The following CORO7 variants were observed in gnomAD, a reference collection of about 807,000 sequenced individuals.
CORO7 encodes the protein coronin 7.
Under a neutral mutation model 126.6 loss-of-function variants are expected in CORO7, and 107 were observed. The ratio of observed to expected loss-of-function variants is 0.85; its 90% CI spans 0.72 to 0.99. CORO7 has a LOEUF of 0.99. Among genes scored for constraint, CORO7 ranks in the 50% least tolerant of loss-of-function variants. The pLI, the probability that CORO7 is intolerant of heterozygous loss-of-function variation, is 0.00. For missense variants in CORO7, 1,314 were observed against 1,255.8 expected (o/e 1.05, Z -0.70); for synonymous variants, 603 against 536.8 (o/e 1.12, Z -1.70).
At chr16:4,355,455 G>T in intron 26 of CORO7, 83 bp from the exon 27 acceptor site, 1 of 1,434,684 alleles carries the variant, frequency 7.0e-7, no homozygotes. Context: ...CCCTGACAAG[G>T]CTGTGAAAAG....
At chr16:4,408,391 T>C (rs1359429527) in intron 3 of CORO7, 140 bp from the exon 4 acceptor site, 8 of 1,200,006 alleles carry the variant, frequency 6.7e-6, no homozygotes, top group African/African-American at 3.1e-5. Context: ...CTGGACACCA[T>C]GGGGGCAAAT....
At position 4,405,512 on chromosome 16, in the gene CORO7, G is replaced by A. The variant is rs1383602606; in HGVS notation, c.543C>T (p.Ala181=). 1.9e-6 allele frequency: 3 copies of A among 1,612,848 alleles called. No individual in the cohort carries two copies. The highest frequency in any genetic ancestry group is 3.3e-5 in the Admixed American group (2 of 60,008). Residue 181 remains alanine (A), a synonymous_variant, in exon 6 of 28, where the codon GCC becomes GCT. Coordinates refer to ENST00000251166, the MANE Select transcript of CORO7 (RefSeq NM_024535.5). ...TCACCTTGCACGCCGTGCCCACCAG[G>A]GCTCCATCTCGGCTCCAGACGGCGC... The part of the protein sequence containing the change: ...VQSAVWSRDG[A]LVGTACKDKQ...
In CORO7 at chr16:4,405,494, G is replaced by A. The variant is rs766842567; in HGVS notation, c.561C>T (p.Cys187=). 6.2e-6 allele frequency: 10 copies of A among 1,611,926 alleles called. No individual in the cohort carries two copies. Among genetic ancestry groups the A allele is most frequent in the Middle Eastern group, 1.7e-4 (1 of 6,032 alleles). Residue 187 remains cysteine (C), a synonymous_variant, in exon 6 of 28, where the codon TGC becomes TGT. Coordinates refer to ENST00000251166, the MANE Select transcript of CORO7 (RefSeq NM_024535.5). The part of the protein sequence containing the change: ...SRDGALVGTA[C]KDKQLRIFDP... ...GCATCCCCACCTGCCTGCTCACCTT[G>A]CACGCCGTGCCCACCAGGGCTCCAT...
chr16:4,356,256 C>G (rs2053974298), intron 26 of CORO7, among the ~76,000 whole-genome samples: 1 of 151,136 alleles, frequency 6.6e-6, no homozygotes, highest in South Asian at 2.1e-4. Flanking sequence ...CCTGGCCACA[C>G]CTGGTTAATT....
chr16:4,400,320 G>T lies in CORO7; in HGVS notation c.565-4981C>A, dbSNP rs568907553. ...TTGAGACCAGCCTGGTCAACAAGGT[G>T]AAACCCCATCTCTAAAAATACAAAA... On this transcript the variant is annotated intron_variant, in intron 6 of 27. Transcript: ENST00000251166. Among the ~76,000 whole-genome samples, 8 of 152,106 alleles carry T rather than the reference G, an allele frequency of 5.3e-5. No homozygotes were observed. In the East Asian group the frequency reaches 1.4e-3, roughly 26 times the overall value.
intron 7 of CORO7, among the ~76,000 whole-genome samples, chr16:4,393,348 C>T (rs955128910): frequency 6.6e-6 from 1 of 152,198 alleles, no homozygotes; most frequent in African/African-American, 2.4e-5. Context: ...CCCACACTGC[C>T]TTGAGATGCA....
chr16:4,355,214 G>T, intron 27 of CORO7, 51 bp from the exon 28 acceptor site: 1 of 1,589,064 alleles, frequency 6.3e-7, no homozygotes, highest in East Asian at 2.3e-5. Flanking sequence ...CCTGGGAAGG[G>T]AGGAGGCATG....
intron 6 of CORO7, among the ~76,000 whole-genome samples, chr16:4,402,939 T>G (rs1256699601): frequency 6.0e-5 from 9 of 149,380 alleles, no homozygotes; most frequent in Non-Finnish European, 1.3e-4. Context: ...TTGGTGGTCC[T>G]GGGAGGCAGA....
intron 7 of CORO7, among the ~76,000 whole-genome samples, chr16:4,391,920 G>A (rs1023105162): frequency 2.0e-5 from 3 of 152,220 alleles, no homozygotes; most frequent in East Asian, 1.9e-4. Context: ...CCCCGCAGGG[G>A]GTGCAGGAGG....
At chr16:4,396,284 T>C (rs2055589903) in intron 6 of CORO7, among the ~76,000 whole-genome samples, 1 of 152,170 alleles carries the variant, frequency 6.6e-6, no homozygotes, top group Non-Finnish European at 1.5e-5. Flanking sequence ...TTCACCATGT[T>C]GGCAGGCCGG....
intron 7 of CORO7, among the ~76,000 whole-genome samples, chr16:4,394,730 G>C (rs970248864): frequency 2.0e-5 from 3 of 152,234 alleles, no homozygotes; most frequent in Non-Finnish European, 4.4e-5. Flanking sequence ...TGTTGCTCCT[G>C]CCTACAAGGT....
chr16:4,370,261 C>T (rs1011195971), intron 9 of CORO7, among the ~76,000 whole-genome samples: 5 of 152,294 alleles, frequency 3.3e-5, no homozygotes, highest in Non-Finnish European at 7.4e-5. Flanking sequence ...CTGCACAGCA[C>T]TGATTGGAAA....
At chr16:4,399,092 A>G (rs1409918639) in intron 6 of CORO7, among the ~76,000 whole-genome samples, 1 of 152,256 alleles carries the variant, frequency 6.6e-6, no homozygotes, top group Non-Finnish European at 1.5e-5. Context: ...TCCTCAAAAA[A>G]TTAAAAATAG....
At chr16:4,357,453 G>A in intron 25 of CORO7, 194 bp from the exon 26 acceptor site, 2 of 558,326 alleles carry the variant, frequency 3.6e-6, no homozygotes, top group South Asian at 2.4e-5. Context: ...CGCCTCCTCT[G>A]GGTTCAAGCG....
chr16:4,400,657 CAAAAAA>C (rs1271203849), intron 6 of CORO7, among the ~76,000 whole-genome samples: 1 of 146,576 alleles, frequency 6.8e-6, no homozygotes, highest in African/African-American at 2.7e-5. Context: ...AAAACAAAAA[CAAAAAA>C]ACAAAAAGTA....
intron 9 of CORO7, among the ~76,000 whole-genome samples, chr16:4,365,923 G>A (rs963046234): frequency 3.3e-5 from 5 of 152,204 alleles, no homozygotes; most frequent in Admixed American, 2.6e-4. Context: ...AGGTGGAGAG[G>A]TGAGGCCGGA....
At chr16:4,375,162 C>A (rs1054035091) in intron 9 of CORO7, among the ~76,000 whole-genome samples, 9 of 152,242 alleles carry the variant, frequency 5.9e-5, no homozygotes, top group Admixed American at 5.9e-4. Flanking sequence ...GGGGCCTGGC[C>A]TTAGTCACTG....
At chr16:4,368,770 A>G (rs1427311811) in intron 9 of CORO7, among the ~76,000 whole-genome samples, 2 of 150,704 alleles carry the variant, frequency 1.3e-5, no homozygotes, top group Non-Finnish European at 2.9e-5. Context: ...AAAAAAAATC[A>G]CATCAGCCTG....
At chr16:4,409,935 C>G (rs1435224781) in intron 3 of CORO7, among the ~76,000 whole-genome samples, 1 of 152,180 alleles carries the variant, frequency 6.6e-6, no homozygotes, top group Non-Finnish European at 1.5e-5. Context: ...TGGAGCTCAC[C>G]TTCCCATGAG....
Sources: allele counts gnomAD v4.1 joint callset (sites outside exome capture counted in the v4.1 genomes callset), GRCh38; gene constraint gnomAD v4.1.1; transcripts MANE v1.5; gene names NCBI Gene and HGNC (gene_info 2026-07-23, HGNC 2026-07-21).